Variants in PPP2R2C observed in about 807,000 individuals in gnomAD.
The protein encoded by PPP2R2C is protein phosphatase 2 regulatory subunit Bgamma.
In PPP2R2C, 10 loss-of-function variants were observed where a neutral mutation model predicts 45.3. The observed-to-expected ratio is 0.22, with a 90% CI of 0.14 to 0.37. The LOEUF (loss-of-function observed/expected upper bound fraction) is 0.37, where lower values mean the gene tolerates loss of function less well. Among genes scored for constraint, PPP2R2C ranks in the 10% least tolerant of loss-of-function variants. The probability of loss-of-function intolerance (pLI) is 1.00; values close to 1 mark genes in which losing one functional copy is unlikely to be tolerated. For missense variants in PPP2R2C, 308 were observed against 619.7 expected (o/e 0.50, Z 5.34); for synonymous variants, 257 against 245.4 (o/e 1.05, Z -0.44).
At chr4:6,403,099 G>A (rs13113183) in intron 1 of PPP2R2C, among the ~76,000 whole-genome samples, 4,076 of 152,340 alleles carry the variant, frequency 0.027, 132 homozygotes, top group Middle Eastern at 0.068. Flanking sequence ...TAGAACCACT[G>A]AGCAGTCTGA....
In PPP2R2C at chr4:6,378,535, A is replaced by G; in HGVS notation, c.206T>C (p.Val69Ala). 1.2e-6 allele frequency: 2 copies of G among 1,614,006 alleles called. No individual in the cohort carries two copies. Among genetic ancestry groups the G allele is most frequent in the Non-Finnish European group, 1.7e-6 (2 of 1,179,982 alleles). Reference sequence around the variant, plus strand: ...CTCGTGGCTCTGGAAAGTGCTGTACACGTCGTATTCGCCCTGGCTGTGGGG... The same window carrying G: ...CTCGTGGCTCTGGAAAGTGCTGTACGCGTCGTATTCGCCCTGGCTGTGGGG... ...NAPHSQGEYD[V>A]YSTFQSHEPE... The change falls in exon 3 of 9, where the codon GTG (valine) becomes GCG (alanine). Residue 69 changes from valine to alanine, a missense_variant. By Grantham distance (64) the Val-to-Ala change is moderately conservative. Coordinates refer to ENST00000382599, the MANE Select transcript of PPP2R2C (RefSeq NM_020416.4). The surrounding 1 kb of genome is among the most constrained non-coding windows in gnomAD (Gnocchi z 5.2).
chr4:6,369,271 C>T (rs954100889), intron 5 of PPP2R2C, among the ~76,000 whole-genome samples: 1 of 152,232 alleles, frequency 6.6e-6, no homozygotes, highest in East Asian at 1.9e-4. Context: ...GTGGCTGCCG[C>T]CCCATGAGTG....
At chr4:6,534,414 C>T (rs1021415233) in intron 2 of PPP2R2C, among the ~76,000 whole-genome samples, 29 of 148,954 alleles carry the variant, frequency 1.9e-4, no homozygotes, top group African/African-American at 7.2e-4. Flanking sequence ...ACAACACATA[C>T]AACACACACA....
intron 2 of PPP2R2C, among the ~76,000 whole-genome samples, chr4:6,488,041 A>G (rs1052225743): frequency 2.0e-5 from 3 of 152,108 alleles, no homozygotes; most frequent in Admixed American, 6.5e-5. Context: ...TTCATATTAT[A>G]CATTGTAATT....
chr4:6,345,732 G>C lies in PPP2R2C; in HGVS notation c.790+2114C>G, dbSNP rs1201838514. On this transcript the variant is annotated intron_variant, in intron 6 of 8. Transcript: ENST00000382599. This position sits in a 1 kb window ranked among gnomAD's most constrained non-coding sequence, Gnocchi z 5.3. ...TGAGCTGGCTGTGGGACTGCGGACT[G>C]AGACTATACATATGCCCTGTTTTCA... 6.6e-6 allele frequency among the ~76,000 whole-genome samples: 1 copy of C among 152,112 alleles called. No homozygotes were observed. Among genetic ancestry groups the C allele is most frequent in the Admixed American group, 6.5e-5 (1 of 15,286 alleles).
At chr4:6,435,552 T>C (rs761189736) in intron 1 of PPP2R2C, among the ~76,000 whole-genome samples, 1 of 152,246 alleles carries the variant, frequency 6.6e-6, no homozygotes, top group Non-Finnish European at 1.5e-5. Flanking sequence ...GATCTTGAGA[T>C]AGAGCTTGCA....
At chr4:6,413,822 G>A (rs528909847) in intron 1 of PPP2R2C, 288 of 1,507,158 alleles carry the variant, frequency 1.9e-4, no homozygotes, top group Admixed American at 1.3e-3. Context: ...AGAGGACTGT[G>A]CCGGGGCTCC....
intron 6 of PPP2R2C, among the ~76,000 whole-genome samples, chr4:6,334,688 T>G (rs1487966452): frequency 6.6e-6 from 1 of 151,922 alleles, no homozygotes; most frequent in Non-Finnish European, 1.5e-5. Context: ...GAGAACAGGG[T>G]GGTGGAGTTG....
At chr4:6,348,633 C>T in intron 5 of PPP2R2C, 1 of 985,220 alleles carries the variant, frequency 1.0e-6, no homozygotes, top group Non-Finnish European at 1.2e-6. Flanking sequence ...TCTCCAGACC[C>T]CAGGACTTGG....
Position 6,538,778 on chromosome 4 carries a change from C to G in PPP2R2C, c.-58-3401G>C, listed in dbSNP as rs767357565. Among the ~76,000 whole-genome samples, 14 of 152,206 alleles carry G rather than the reference C, an allele frequency of 9.2e-5. 1 individual carries two copies. Among genetic ancestry groups the G allele is most frequent in the Admixed American group, 7.8e-4 (12 of 15,292 alleles). On this transcript the variant is annotated intron_variant, in intron 1 of 9. Transcript: ENST00000506140. ...GTTCTCGTTACAAAGGCAGCAGACG[C>G]GTGGAGCTGGCCGCTCCCCCGCACC...
Position 6,322,657 on chromosome 4 carries a change from G to C in PPP2R2C, c.*645C>G, listed in dbSNP as rs1731623804. ...CCGCTCCTCTCGGGAAACCGCACCA[G>C]ACCTGGGACCTGGGATGTTTCAAGA... On this transcript the variant is annotated 3_prime_UTR_variant, in exon 9 of 9. Coordinates refer to ENST00000382599, the MANE Select transcript of PPP2R2C (RefSeq NM_020416.4). This position sits in a 1 kb window ranked among gnomAD's most constrained non-coding sequence, Gnocchi z 7.8. The C allele has an allele frequency of 6.6e-6, 1 of 152,276 alleles. No homozygotes were observed. The allele number at this position is 152,276 out of a possible 1,614,324, so 9.4% of individuals were successfully genotyped here.
intron 3 of PPP2R2C, 35 bp from the exon 4 acceptor site, chr4:6,375,966 A>C (rs908309871): frequency 5.2e-6 from 8 of 1,552,598 alleles, no homozygotes; most frequent in Middle Eastern, 1.7e-4. Context: ...CGAGTCACAT[A>C]ATTAAGCAGC....
chr4:6,558,714 C>T (rs2108845759), intron 1 of PPP2R2C, among the ~76,000 whole-genome samples: 1 of 152,272 alleles, frequency 6.6e-6, no homozygotes, highest in South Asian at 2.1e-4. Flanking sequence ...AGTGTCCCCA[C>T]CATGAAGCCA....
At chr4:6,380,878 CCACCTCT>C (rs1169932267) in intron 2 of PPP2R2C, 112 bp downstream of exon 2, 6 of 1,408,142 alleles carry the variant, frequency 4.3e-6, no homozygotes, top group Non-Finnish European at 5.6e-6. Flanking sequence ...TAGTCCCCTC[CCACCTCT>C]CACCGCATCA....
chr4:6,463,180 A>C (rs1033987984), intron 1 of PPP2R2C, among the ~76,000 whole-genome samples: 1 of 152,234 alleles, frequency 6.6e-6, no homozygotes, highest in Non-Finnish European at 1.5e-5. Flanking sequence ...TATTTCATTC[A>C]ATTCTGCCTG....
At chr4:6,338,814 C>T (rs1008623090) in intron 6 of PPP2R2C, among the ~76,000 whole-genome samples, 3 of 152,170 alleles carry the variant, frequency 2.0e-5, no homozygotes, top group African/African-American at 7.2e-5. Flanking sequence ...CCTCCCGTAG[C>T]CCCTGCCCCG....
chr4:6,533,570 T>C (rs1724478963), intron 2 of PPP2R2C, among the ~76,000 whole-genome samples: 1 of 152,182 alleles, frequency 6.6e-6, no homozygotes, highest in Non-Finnish European at 1.5e-5. Context: ...CTGTTTTATG[T>C]CGTTAATGCC....
chr4:6,328,462 G>A lies in PPP2R2C; in HGVS notation c.1052+800C>T, dbSNP rs772616169. 3.3e-5 allele frequency among the ~76,000 whole-genome samples: 5 copies of A among 152,184 alleles called. No homozygotes were observed. Among genetic ancestry groups the A allele is most frequent in the South Asian group, 2.1e-4 (1 of 4,832 alleles). ...AGGCTTGTCCATTTCAGAATCTTAC[G>A]CCTGGCAGGACCCTGAGCACAAAGC... On this transcript the variant is annotated intron_variant, in intron 8 of 8. Coordinates refer to ENST00000382599, the MANE Select transcript of PPP2R2C (RefSeq NM_020416.4). The surrounding 1 kb of genome is among the most constrained non-coding windows in gnomAD (Gnocchi z 4.4).
At chr4:6,379,680 A>G (rs1322041174) in intron 2 of PPP2R2C, among the ~76,000 whole-genome samples, 1 of 152,248 alleles carries the variant, frequency 6.6e-6, no homozygotes, top group Non-Finnish European at 1.5e-5. Context: ...GGTGAAGCCC[A>G]CAGGTGCTGG....
Sources: allele counts gnomAD v4.1 joint callset (sites outside exome capture counted in the v4.1 genomes callset), GRCh38; gene constraint gnomAD v4.1.1; non-coding constraint Gnocchi (gnomAD v3.1); transcripts MANE v1.5; gene names NCBI Gene and HGNC (gene_info 2026-07-23, HGNC 2026-07-21).